The following FRYL variants were observed in gnomAD, a reference collection of about 807,000 sequenced individuals.
FRYL encodes the protein FRY like transcription coactivator.
Under a neutral mutation model 351.2 loss-of-function variants are expected in FRYL, and 150 were observed. The observed-to-expected ratio is 0.43, with a 90% CI of 0.37 to 0.49. The LOEUF is 0.49. Among genes scored for constraint, FRYL ranks in the 20% least tolerant of loss-of-function variants. The probability of loss-of-function intolerance (pLI) is 0.00; values close to 1 mark genes in which losing one functional copy is unlikely to be tolerated. For missense variants in FRYL, 3,036 were observed against 3,619.3 expected (o/e 0.84, Z 4.13); for synonymous variants, 1,153 against 1,257.1 (o/e 0.92, Z 1.75).
chr4:48,665,527 A>T (rs1409519631), intron 3 of FRYL, among the ~76,000 whole-genome samples: 1 of 152,230 alleles, frequency 6.6e-6, no homozygotes, highest in Non-Finnish European at 1.5e-5. Flanking sequence ...TTGTATTTTT[A>T]TAACATAATG....
At chr4:48,581,705 T>A in intron 20 of FRYL, 100 bp from the exon 21 acceptor site, 1 of 947,070 alleles carries the variant, frequency 1.1e-6, no homozygotes, top group Non-Finnish European at 1.6e-6. Context: ...TGATTATGAC[T>A]ACCGGTCTGC....
At chr4:48,634,536 C>T (rs1450383558) in intron 3 of FRYL, 46 bp from the exon 4 acceptor site, 2 of 1,477,352 alleles carry the variant, frequency 1.4e-6, no homozygotes, top group Non-Finnish European at 1.9e-6. Context: ...TAAATCAACT[C>T]AAGAGGTCTA....
chr4:48,571,939 A>G, intron 26 of FRYL: 1 of 985,318 alleles, frequency 1.0e-6, no homozygotes, highest in Non-Finnish European at 1.2e-6. Flanking sequence ...TTTTGTTTCA[A>G]TCTCACATTT....
chr4:48,594,127 T>C (rs1744104352), intron 15 of FRYL, 111 bp from the exon 16 acceptor site: 1 of 561,298 alleles, frequency 1.8e-6, no homozygotes, highest in Non-Finnish European at 3.0e-6. Context: ...CTTAAAAAGT[T>C]CACAGCTGAA....
At chr4:48,676,419 A>G (rs1560842070) in intron 3 of FRYL, among the ~76,000 whole-genome samples, 1 of 152,054 alleles carries the variant, frequency 6.6e-6, no homozygotes, top group Admixed American at 6.6e-5. Context: ...GAGCTGTAAC[A>G]CTCACCGCGA....
chr4:48,591,526 C>T (rs1229108532), intron 16 of FRYL, among the ~76,000 whole-genome samples: 1 of 152,072 alleles, frequency 6.6e-6, no homozygotes, highest in Non-Finnish European at 1.5e-5. Flanking sequence ...ACTTGATTTC[C>T]CAGCAACATG....
chr4:48,752,372 T>TGCCCCTGGAGCG (rs1773339238), intron 1 of FRYL, among the ~76,000 whole-genome samples: 1 of 151,822 alleles, frequency 6.6e-6, no homozygotes, highest in South Asian at 2.1e-4. Flanking sequence ...ACTCCGGATC[T>TGCCCCTGGAGCG]GCCCCTGGAG....
At position 48,778,641 on chromosome 4, in the gene FRYL, T is replaced by C. The variant is rs377533441; in HGVS notation, c.-384+1437A>G. 2.6e-5 allele frequency among the ~76,000 whole-genome samples: 4 copies of C among 152,360 alleles called. No individual in the cohort carries two copies. The East Asian group carries it at 5.8e-4, about 22-fold the overall frequency. On this transcript the variant is annotated intron_variant, in intron 1 of 63. Transcript: ENST00000358350. ...CTATCTCTGATTTCCTCGGCAAGTA[T>C]TGACAGATTAAGCAGAGTGATAATG...
chr4:48,719,274 A>T (rs1769203789), intron 1 of FRYL, among the ~76,000 whole-genome samples: 1 of 151,662 alleles, frequency 6.6e-6, no homozygotes, highest in South Asian at 2.1e-4. Context: ...GTGCAAATGT[A>T]TCCCATGCCT....
chr4:48,701,914 G>A (rs1766760355), intron 2 of FRYL, among the ~76,000 whole-genome samples: 1 of 151,970 alleles, frequency 6.6e-6, no homozygotes, highest in Non-Finnish European at 1.5e-5. Context: ...ACATATTTTT[G>A]TCAACCCAAT....
chr4:48,611,626 T>C (rs559537035), intron 7 of FRYL, among the ~76,000 whole-genome samples: 7 of 152,154 alleles, frequency 4.6e-5, no homozygotes, highest in Non-Finnish European at 8.8e-5. Context: ...TCTTGGCCCA[T>C]TGTTCTTCCA....
At chr4:48,618,101 T>G (rs1462004858) in intron 7 of FRYL, 7 of 152,310 alleles carry the variant, frequency 4.6e-5, no homozygotes, top group African/African-American at 1.7e-4. Context: ...GGTCTTAGTA[T>G]CTCAGTTAAA....
chr4:48,777,213 C>T (rs1242918541), intron 1 of FRYL, among the ~76,000 whole-genome samples: 2 of 152,144 alleles, frequency 1.3e-5, no homozygotes, highest in Non-Finnish European at 2.9e-5. Context: ...ATAATTGTGA[C>T]AATGTGTTCA....
intron 4 of FRYL, among the ~76,000 whole-genome samples, chr4:48,633,690 CTTCTGTTAT>C (rs1753695966): frequency 6.6e-6 from 1 of 152,116 alleles, no homozygotes; most frequent in Non-Finnish European, 1.5e-5. Context: ...ATTGATTTTA[CTTCTGTTAT>C]TTCTCTTACT....
intron 3 of FRYL, among the ~76,000 whole-genome samples, chr4:48,654,147 ATG>A (rs1758295646): frequency 6.6e-6 from 1 of 152,160 alleles, no homozygotes; most frequent in Non-Finnish European, 1.5e-5. Context: ...GTCTCTAGCT[ATG>A]TAATCACGAC....
intron 3 of FRYL, among the ~76,000 whole-genome samples, chr4:48,674,348 C>A (rs943467993): frequency 6.6e-6 from 1 of 152,082 alleles, no homozygotes; most frequent in African/African-American, 2.4e-5. Flanking sequence ...AATTAGGACT[C>A]TACACACACA....
At chr4:48,657,200 G>A (rs1759391021) in intron 3 of FRYL, among the ~76,000 whole-genome samples, 1 of 151,830 alleles carries the variant, frequency 6.6e-6, no homozygotes, top group African/African-American at 2.4e-5. Flanking sequence ...AAATGGGGTC[G>A]CATTCTGTTG....
intron 23 of FRYL, among the ~76,000 whole-genome samples, chr4:48,577,632 T>A (rs1397593645): frequency 6.6e-6 from 1 of 152,082 alleles, no homozygotes; most frequent in Non-Finnish European, 1.5e-5. Context: ...GGATATGGGG[T>A]TATAATTTAA....
chr4:48,597,641 T>A (rs1055519094), intron 13 of FRYL, among the ~76,000 whole-genome samples: 3 of 152,234 alleles, frequency 2.0e-5, no homozygotes, highest in African/African-American at 7.2e-5. Context: ...AACACTTTCA[T>A]ATTGTTAAAT....
Sources: allele counts gnomAD v4.1 joint callset (sites outside exome capture counted in the v4.1 genomes callset), GRCh38; gene constraint gnomAD v4.1.1; transcripts MANE v1.5; gene names NCBI Gene and HGNC (gene_info 2026-07-23, HGNC 2026-07-21).